The following WDR62 variants were observed in gnomAD, a reference collection of about 807,000 sequenced individuals.
WDR62 encodes WD repeat domain 62, also known as WD repeat-containing protein 62.
A neutral mutation model predicts 160.6 loss-of-function variants in WDR62; 112 were observed. The observed-to-expected ratio is 0.70, with a 90% CI of 0.60 to 0.82. The LOEUF is 0.82. WDR62 is among the 40% of genes least tolerant of loss of function. The probability of loss-of-function intolerance (pLI) is 0.00; values close to 1 mark genes in which losing one functional copy is unlikely to be tolerated. For synonymous variants in WDR62, 792 were observed against 815.1 expected (o/e 0.97, Z 0.48); for missense variants, 1,819 against 1,983.8 (o/e 0.92, Z 1.58).
chr19:36,087,303 G>A (rs1250111147), intron 13 of WDR62, among the ~76,000 whole-genome samples: 2 of 151,912 alleles, frequency 1.3e-5, no homozygotes, highest in African/African-American at 2.4e-5. Context: ...TCAGGAGTTC[G>A]AGACCAGTCT....
intron 7 of WDR62, among the ~76,000 whole-genome samples, chr19:36,069,078 A>ACT (rs1263421845): frequency 7.4e-6 from 1 of 134,248 alleles, no homozygotes; most frequent in Non-Finnish European, 1.6e-5. Context: ...GCGGGGGCTA[A>ACT]CCCCCCACCT....
chr19:36,055,167 T>C lies in WDR62; in HGVS notation c.177+19T>C, dbSNP rs1244296900. On this transcript the variant is annotated intron_variant, in intron 1 of 31. Transcript: ENST00000401500. ...GAACCGGGTGAGAAGCTGCTCGCCA[T>C]GTCTACCCCAGTTCCAGGCTTCCTA... 4 of 1,601,862 alleles carry C rather than the reference T, an allele frequency of 2.5e-6. No homozygotes were observed. Among genetic ancestry groups the C allele is most frequent in the Middle Eastern group, 3.3e-4 (2 of 6,022 alleles).
chr19:36,108,905 G>C (rs1057364805), downstream of WDR62, among the ~76,000 whole-genome samples: 2 of 150,678 alleles, frequency 1.3e-5, no homozygotes, highest in African/African-American at 4.9e-5. Context: ...TTATATGTCT[G>C]CCACATGCCA....
At position 36,103,571 on chromosome 19, in the gene WDR62, C is replaced by A; in HGVS notation, c.3743C>A (p.Pro1248His). 6.2e-7 allele frequency: 1 copy of A among 1,613,886 alleles called. No homozygotes were observed. Among genetic ancestry groups the A allele is most frequent in the Non-Finnish European group, 8.5e-7 (1 of 1,180,024 alleles). Residue 1248 changes from proline to histidine, a missense_variant, in exon 30 of 32, where the codon CCC becomes CAC. Pro to His is a moderately conservative substitution (Grantham distance 77). Transcript: ENST00000401500. ...EGPIVATLAQ[P>H]LRRPSSVGEL... ...CCTATCGTGGCCACACTGGCCCAGC[C>A]CCTCCGTAGGCCATCGTCCGTTGGG...
At chr19:36,095,071 T>C (rs1356486878) in intron 20 of WDR62, among the ~76,000 whole-genome samples, 1 of 152,168 alleles carries the variant, frequency 6.6e-6, no homozygotes, top group Non-Finnish European at 1.5e-5. Flanking sequence ...CAGTCAAGAC[T>C]CTTTCAGTAT....
At chr19:36,104,026 G>T (rs768762309) in intron 30 of WDR62, 45 bp downstream of exon 30, 1 of 1,595,726 alleles carries the variant, frequency 6.3e-7, no homozygotes, top group African/African-American at 1.3e-5. Flanking sequence ...AGCTCATCCT[G>T]TGTGCTAGTT....
chr19:36,100,988 T>C (rs935648314), intron 23 of WDR62, 113 bp downstream of exon 23: 13 of 1,545,288 alleles, frequency 8.4e-6, no homozygotes, highest in Non-Finnish European at 1.2e-5. Context: ...GTGGGGACAG[T>C]TGAGGCCTGG....
chr19:36,089,403 A>G, intron 15 of WDR62, 97 bp downstream of exon 15: 1 of 1,599,954 alleles, frequency 6.3e-7, no homozygotes, highest in Non-Finnish European at 8.6e-7. Context: ...AGAAGCTGGG[A>G]AGGAATTGAG....
At chr19:36,086,599 G>T in intron 12 of WDR62, 88 bp from the exon 13 acceptor site, 1 of 1,498,674 alleles carries the variant, frequency 6.7e-7, no homozygotes, top group South Asian at 1.2e-5. Flanking sequence ...CTTCTCCGAG[G>T]ACTGGGCAGC....
chr19:36,063,311 G>A lies in WDR62; in HGVS notation c.333-2647G>A, dbSNP rs1446234223. Among the ~76,000 whole-genome samples the A allele has an allele frequency of 2.6e-5, 4 of 151,842 alleles. No homozygotes were observed. The South Asian group carries it at 6.2e-4, about 24-fold the overall frequency. ...GTCGCCCGGGCTGGAGTGCAGTGGG[G>A]CGATCTTGGCTCGCTGCAGCCTCCA... On this transcript the variant is annotated intron_variant, in intron 3 of 31. Coordinates refer to ENST00000401500, the MANE Select transcript of WDR62 (RefSeq NM_001083961.2).
intron 9 of WDR62, among the ~76,000 whole-genome samples, chr19:36,077,572 G>T (rs1390482029): frequency 2.0e-5 from 3 of 151,340 alleles, no homozygotes; most frequent in African/African-American, 4.9e-5. Context: ...GAGCCACCAT[G>T]CCAGGCTGTT....
intron 30 of WDR62, 62 bp downstream of exon 30, chr19:36,104,043 G>A: frequency 9.4e-6 from 15 of 1,588,500 alleles, no homozygotes; most frequent in Non-Finnish European, 1.3e-5. Context: ...AGTTGGCTCA[G>A]CTCCAAAGAT....
intron 18 of WDR62, 38 bp from the exon 19 acceptor site, chr19:36,092,651 C>T: frequency 6.2e-7 from 1 of 1,613,486 alleles, no homozygotes; most frequent in Non-Finnish European, 8.5e-7. Flanking sequence ...CATGCTTACT[C>T]TTCCTCTGCC....
chr19:36,077,385 ATTC>A (rs1485448961), intron 9 of WDR62, among the ~76,000 whole-genome samples: 3 of 138,060 alleles, frequency 2.2e-5, no homozygotes, highest in African/African-American at 2.8e-5. Context: ...GGTTCACGCC[ATTC>A]TTCTTCCTCA....
chr19:36,056,628 T>C (rs9989683), intron 1 of WDR62, among the ~76,000 whole-genome samples: 22,802 of 152,088 alleles, frequency 0.15, 1,925 homozygotes, highest in East Asian at 0.29. Flanking sequence ...CTTTATCTTA[T>C]ATGTTCCTGA....
chr19:36,085,414 C>CTTTTTTTTTTTTTTTTTTTTT lies in WDR62; in HGVS notation c.1642+673_1642+693dup, dbSNP rs35753706. Among the ~76,000 whole-genome samples, 12 of 70,402 alleles carry CTTTTTTTTTTTTTTTTTTTTT rather than the reference C, an allele frequency of 1.7e-4. 2 individuals are homozygous for CTTTTTTTTTTTTTTTTTTTTT. The highest frequency in any genetic ancestry group is 7.7e-4 in the East Asian group (1 of 1,294). 46.2% of individuals were successfully genotyped at this position (70,402 alleles called of 152,430 possible). On this transcript the variant is annotated intron_variant, in intron 12 of 31. Coordinates refer to ENST00000401500, the MANE Select transcript of WDR62 (RefSeq NM_001083961.2). The stretch of plus-strand genomic sequence containing the variant: ...TAGGGCATGAGCCACCACACCTGAC[C>CTTTTTTTTTTTTTTTTTTTTT]TTTTTTTTTTTTTTTTTTTTTTTGA...
intron 26 of WDR62, 197 bp from the exon 27 acceptor site, chr19:36,102,540 C>G (rs1347084675): frequency 1.6e-6 from 1 of 615,228 alleles, no homozygotes; most frequent in East Asian, 2.8e-5. Flanking sequence ...GGATTACAGG[C>G]GTGAGCCACC....
At chr19:36,071,905 G>C (rs916949073) in intron 8 of WDR62, among the ~76,000 whole-genome samples, 189 bp downstream of exon 8, 2 of 152,256 alleles carry the variant, frequency 1.3e-5, no homozygotes, top group African/African-American at 4.8e-5. Flanking sequence ...GAGAAGTGAG[G>C]CTGGGTAGGG....
chr19:36,079,438 T>C (rs955354700), intron 9 of WDR62, among the ~76,000 whole-genome samples: 1 of 152,240 alleles, frequency 6.6e-6, no homozygotes, highest in Non-Finnish European at 1.5e-5. Flanking sequence ...TTATCTGTTA[T>C]GTCTCTTCTT....
Sources: gnomAD v4.1 joint callset for allele counts (sites outside exome capture counted in the v4.1 genomes callset) on GRCh38, gnomAD v4.1.1 for gene constraint, MANE v1.5 for transcripts, NCBI Gene and HGNC (gene_info 2026-07-23, HGNC 2026-07-21) for gene names.